Variants in PDPN observed in about 807,000 individuals in gnomAD.
PDPN encodes the protein podoplanin.
Under a neutral mutation model 23.2 loss-of-function variants are expected in PDPN, and 12 were observed. The observed-to-expected ratio is 0.52, with a 90% CI of 0.33 to 0.84. PDPN has a LOEUF of 0.84. Among genes scored for constraint, PDPN ranks in the 40% least tolerant of loss-of-function variants. The pLI, the probability that PDPN is intolerant of heterozygous loss-of-function variation, is 0.02. For missense variants in PDPN, 199 were observed against 212.2 expected (o/e 0.94, Z 0.39); for synonymous variants, 77 against 76.7 (o/e 1.00, Z -0.02).
chr1:13,586,347 G>A (rs1216683224), intron 1 of PDPN, among the ~76,000 whole-genome samples: 3 of 152,166 alleles, frequency 2.0e-5, no homozygotes, highest in African/African-American at 7.2e-5. Context: ...TAGAGGCTTT[G>A]TGAGGGAGGC....
chr1:13,606,257 G>A (rs528664891), intron 1 of PDPN, among the ~76,000 whole-genome samples: 1 of 151,948 alleles, frequency 6.6e-6, no homozygotes, highest in Non-Finnish European at 1.5e-5. Flanking sequence ...ACCCACCTTG[G>A]CCTCTCAAAG....
intron 1 of PDPN, among the ~76,000 whole-genome samples, chr1:13,587,952 T>C (rs12564824): frequency 0.029 from 4,353 of 152,288 alleles, 122 homozygotes; most frequent in Middle Eastern, 0.088. Context: ...CCCTCCTTTT[T>C]GTCTGGCTGA....
chr1:13,611,772 G>A (rs1460876857), intron 3 of PDPN, among the ~76,000 whole-genome samples: 1 of 152,050 alleles, frequency 6.6e-6, no homozygotes, highest in East Asian at 1.9e-4. Flanking sequence ...GGAGTGGGGG[G>A]AACCTTATAA....
Position 13,584,075 on chromosome 1 carries a change from G to C in PDPN, c.42G>C (p.Ala14=), listed in dbSNP as rs781054465. The C allele has an allele frequency of 7.4e-6, 12 of 1,613,070 alleles. No individual in the cohort carries two copies. Among genetic ancestry groups the C allele is most frequent in the South Asian group, 1.1e-5 (1 of 91,088 alleles). The part of the protein sequence containing the change: ...VSALLFVLGS[A]SLWVLAEGAS... ...CTCTGCTCTTCGTTTTGGGAAGCGC[G>C]TCGCTCTGGGTCCTGGCAGAAGGAG... is the stretch of plus-strand genomic sequence containing the variant. The change falls in exon 1 of 6, where the codon GCG becomes GCC. Residue 14 remains alanine, a synonymous_variant. Coordinates refer to ENST00000621990, the MANE Select transcript of PDPN (RefSeq NM_006474.5).
chr1:13,610,959 C>T (rs373596839), intron 3 of PDPN, among the ~76,000 whole-genome samples: 207 of 152,352 alleles, frequency 1.4e-3, no homozygotes, highest in African/African-American at 4.4e-3. Flanking sequence ...CGGTGGCTCA[C>T]GCCTATAATC....
intron 2 of PDPN, among the ~76,000 whole-genome samples, chr1:13,608,746 G>A (rs1640858652): frequency 6.6e-6 from 1 of 152,202 alleles, no homozygotes. Flanking sequence ...GAACAAAGGC[G>A]GGAAAGGGTT....
intron 1 of PDPN, among the ~76,000 whole-genome samples, chr1:13,587,141 C>G (rs1446150920): frequency 6.6e-6 from 1 of 152,198 alleles, no homozygotes; most frequent in Non-Finnish European, 1.5e-5. Flanking sequence ...ACAAAATTTT[C>G]TAAAGATACG....
chr1:13,603,099 T>C (rs771977548), intron 1 of PDPN, among the ~76,000 whole-genome samples: 5 of 151,508 alleles, frequency 3.3e-5, no homozygotes, highest in Non-Finnish European at 4.4e-5. Context: ...CAGAGAGAGA[T>C]AGAAAGAAAG....
At chr1:13,595,815 C>G in intron 1 of PDPN, 1 of 1,249,982 alleles carries the variant, frequency 8.0e-7, no homozygotes, top group Non-Finnish European at 1.0e-6. Flanking sequence ...TATGCCGTCT[C>G]TTTCATTACA....
chr1:13,610,553 C>T, intron 3 of PDPN, 37 bp downstream of exon 3: 2 of 1,599,748 alleles, frequency 1.3e-6, no homozygotes, highest in Non-Finnish European at 1.7e-6. Flanking sequence ...GGCTGATCTA[C>T]TTTTGCATAA....
chr1:13,592,581 C>A (rs1032902342), intron 1 of PDPN, among the ~76,000 whole-genome samples: 2 of 121,736 alleles, frequency 1.6e-5, no homozygotes, highest in African/African-American at 6.6e-5. Flanking sequence ...CAGAGTTTTG[C>A]TCTTGTTACC....
chr1:13,584,235 C>T (rs1360243197), intron 1 of PDPN, 135 bp downstream of exon 1: 2 of 1,522,106 alleles, frequency 1.3e-6, no homozygotes, highest in Non-Finnish European at 1.8e-6. Flanking sequence ...GCGTGTCAGG[C>T]GGCTGAGCGC....
In PDPN at chr1:13,616,906, C is replaced by G. The variant is rs1641086572; in HGVS notation, c.*995C>G. 6.6e-6 allele frequency: 1 copy of G among 152,208 alleles called. No individual in the cohort carries two copies. The highest frequency in any genetic ancestry group is 6.6e-5 in the Admixed American group (1 of 15,262). The allele number at this position is 152,208 out of a possible 1,614,324, so 9.4% of individuals were successfully genotyped here. A position where few individuals can be genotyped will look rare whatever the true frequency, so the allele number is the denominator to read the frequency against. On this transcript the variant is annotated 3_prime_UTR_variant, in exon 6 of 6. Coordinates refer to ENST00000621990, the MANE Select transcript of PDPN (RefSeq NM_006474.5). ...GAGCCTCTGGTATGAGAAATAAAAT[C>G]TGCCAGTTTTATAACATTCACTTTC...
At chr1:13,588,214 G>T (rs985250718) in intron 1 of PDPN, among the ~76,000 whole-genome samples, 1 of 152,076 alleles carries the variant, frequency 6.6e-6, no homozygotes, top group African/African-American at 2.4e-5. Context: ...GCCACAAAGT[G>T]CCGTAGGCAA....
intron 1 of PDPN, among the ~76,000 whole-genome samples, chr1:13,601,121 T>A (rs2100246621): frequency 6.6e-6 from 1 of 152,320 alleles, no homozygotes. Flanking sequence ...AATACTTACT[T>A]TTCCTCCTTG....
At chr1:13,590,526 T>G (rs1278877410) in intron 1 of PDPN, among the ~76,000 whole-genome samples, 2 of 151,570 alleles carry the variant, frequency 1.3e-5, no homozygotes, top group African/African-American at 4.9e-5. Flanking sequence ...AATGGTGGGG[T>G]TGGTTGGAGC....
At chr1:13,589,984 C>T (rs540765283) in intron 1 of PDPN, among the ~76,000 whole-genome samples, 6 of 152,304 alleles carry the variant, frequency 3.9e-5, no homozygotes, top group Admixed American at 1.3e-4. Context: ...TGTGCCACCA[C>T]GCCTGGCTAA....
chr1:13,593,478 C>G lies in PDPN; in HGVS notation c.67+9378C>G, dbSNP rs1219690001. 3.3e-5 allele frequency among the ~76,000 whole-genome samples: 5 copies of G among 152,160 alleles called. No homozygotes were observed. In the East Asian group the frequency reaches 9.7e-4, roughly 29 times the overall value. On this transcript the variant is annotated intron_variant, in intron 1 of 5. Transcript: ENST00000621990. ...GAAGAACAGAAGAGATCCTCTTAGC[C>G]AAAAACAACTATTTTCTAAAAATCT...
chr1:13,584,148 C>A, intron 1 of PDPN, 48 bp downstream of exon 1: 1 of 1,593,582 alleles, frequency 6.3e-7, no homozygotes, highest in Non-Finnish European at 8.6e-7. Flanking sequence ...TGGGGACGAG[C>A]GAGCAGAGAC....
Sources: gnomAD v4.1 joint callset for allele counts (sites outside exome capture counted in the v4.1 genomes callset) on GRCh38, gnomAD v4.1.1 for gene constraint, MANE v1.5 for transcripts, NCBI Gene and HGNC (gene_info 2026-07-23, HGNC 2026-07-21) for gene names.